PDZRN3: variants seen among roughly 807,000 people sequenced by gnomAD.
The protein encoded by PDZRN3 is E3 ubiquitin-protein ligase PDZRN3.
Under a neutral mutation model 85.7 loss-of-function variants are expected in PDZRN3, and 38 were observed. The ratio of observed to expected loss-of-function variants is 0.44; its 90% confidence interval spans 0.34 to 0.58. The LOEUF (loss-of-function observed/expected upper bound fraction) is 0.58. Ranked by LOEUF, PDZRN3 falls within the 20% of genes least tolerant of loss-of-function variation. PDZRN3 has a pLI of 0.01. For missense variants in PDZRN3, 1,629 were observed against 1,506.4 expected, an observed-to-expected ratio of 1.08 and a Z score of -1.35; for synonymous variants, 759 against 638.0, an observed-to-expected ratio of 1.19 and a Z score of -2.86.
chr3:73,498,687 C>T (rs530788062), intron 3 of PDZRN3, among the ~76,000 whole-genome samples: 35 of 151,878 alleles, frequency 2.3e-4, no homozygotes, highest in Admixed American at 5.2e-4. Context: ...TGGGTTCAAG[C>T]GATTCTCCTG....
chr3:73,389,001 G>A (rs1383910607), intron 7 of PDZRN3, among the ~76,000 whole-genome samples: 1 of 147,882 alleles, frequency 6.8e-6, no homozygotes, highest in Non-Finnish European at 1.5e-5. Context: ...GTGAAGGTTT[G>A]GGTCACTTCC....
chr3:73,581,044 TTTTGGAG>T (rs1282597064), intron 3 of PDZRN3, among the ~76,000 whole-genome samples: 1 of 152,172 alleles, frequency 6.6e-6, no homozygotes, highest in African/African-American at 2.4e-5. Context: ...GAGGGATACA[TTTTGGAG>T]TTTGAGGTTT....
intron 3 of PDZRN3, among the ~76,000 whole-genome samples, chr3:73,424,113 A>ATTCTC (rs1702258519): frequency 6.6e-6 from 1 of 152,164 alleles, no homozygotes; most frequent in African/African-American, 2.4e-5. Context: ...ATATAAGTAA[A>ATTCTC]TATCTTTCTG....
At chr3:73,606,815 T>C (rs1461275601) in intron 2 of PDZRN3, among the ~76,000 whole-genome samples, 1 of 152,188 alleles carries the variant, frequency 6.6e-6, no homozygotes, top group Non-Finnish European at 1.5e-5. Flanking sequence ...TAATAAGCCA[T>C]TGTTTGTTTC....
intron 3 of PDZRN3, among the ~76,000 whole-genome samples, chr3:73,554,667 G>C (rs187708562): frequency 2.0e-4 from 30 of 151,974 alleles, no homozygotes; most frequent in Non-Finnish European, 3.1e-4. Flanking sequence ...AAGACATAAA[G>C]GTAAGAGAAA....
chr3:73,498,622 T>C (rs566446962), intron 3 of PDZRN3, among the ~76,000 whole-genome samples: 1 of 151,932 alleles, frequency 6.6e-6, no homozygotes, highest in Non-Finnish European at 1.5e-5. Flanking sequence ...TCTAGCTCTG[T>C]TGCCCAGGCT....
intron 3 of PDZRN3, among the ~76,000 whole-genome samples, chr3:73,483,739 A>G (rs1041027938): frequency 2.0e-5 from 3 of 152,194 alleles, no homozygotes; most frequent in Non-Finnish European, 2.9e-5. Context: ...AGGAGGAGAC[A>G]GTGAATGCAA....
chr3:73,619,819 A>T (rs2106918866), intron 1 of PDZRN3, among the ~76,000 whole-genome samples: 1 of 152,340 alleles, frequency 6.6e-6, no homozygotes, highest in Middle Eastern at 3.4e-3. Flanking sequence ...GATAAAAGAT[A>T]CACATTTATA....
chr3:73,448,914 C>T (rs1223109502), intron 3 of PDZRN3, among the ~76,000 whole-genome samples: 1 of 152,180 alleles, frequency 6.6e-6, no homozygotes, highest in Non-Finnish European at 1.5e-5. Flanking sequence ...TACCACAACC[C>T]AGTTTCTCAT....
Position 73,388,061 on chromosome 3 carries a change from C to T in PDZRN3, c.1425G>A (p.Gly475=). 1 of 1,444,930 alleles carries T rather than the reference C, an allele frequency of 6.9e-7. No homozygotes were observed. Among genetic ancestry groups the T allele is most frequent in the Non-Finnish European group, 9.4e-7 (1 of 1,066,042 alleles). 89.5% of individuals were successfully genotyped at this position (1,444,930 alleles called of 1,614,324 possible). A position where few individuals can be genotyped will look rare whatever the true frequency, so the allele number is the denominator to read the frequency against. Residue 475 remains glycine (G), a synonymous_variant, in exon 8 of 10, where the codon GGG becomes GGA. Coordinates refer to ENST00000263666, the MANE Select transcript of PDZRN3 (RefSeq NM_015009.3). The part of the protein sequence containing the change: ...REGDRIIQIN[G]IEVQNREEAV... ...CCTCTTCACGGTTCTGCACCTCTAT[C>T]CCATTAATCTTTTAAAAAAAAAGGG... is the stretch of plus-strand genomic sequence containing the variant.
chr3:73,455,812 G>T (rs1464634058), intron 3 of PDZRN3, among the ~76,000 whole-genome samples: 1 of 152,142 alleles, frequency 6.6e-6, no homozygotes, highest in Non-Finnish European at 1.5e-5. Context: ...TTCTTCGCTA[G>T]GCCAACTGTC....
chr3:73,533,197 T>A (rs1704699597), intron 3 of PDZRN3, among the ~76,000 whole-genome samples: 1 of 152,208 alleles, frequency 6.6e-6, no homozygotes, highest in South Asian at 2.1e-4. Context: ...CTCTCTTAAT[T>A]AAGTTAACTT....
At chr3:73,509,962 C>G (rs1288112288) in intron 3 of PDZRN3, among the ~76,000 whole-genome samples, 1 of 152,188 alleles carries the variant, frequency 6.6e-6, no homozygotes, top group Non-Finnish European at 1.5e-5. Context: ...AACGGATTAT[C>G]TTTAAAGAAG....
chr3:73,397,245 C>G (rs1701657878), intron 5 of PDZRN3, among the ~76,000 whole-genome samples: 1 of 152,140 alleles, frequency 6.6e-6, no homozygotes, highest in Non-Finnish European at 1.5e-5. Context: ...AATATCTCAA[C>G]ACACTCATAC....
chr3:73,618,001 C>T (rs9875071), intron 1 of PDZRN3, among the ~76,000 whole-genome samples: 10,761 of 152,292 alleles, frequency 0.071, 459 homozygotes, highest in African/African-American at 0.13. Context: ...CCACCATGCC[C>T]AGCCTAAATC....
intron 3 of PDZRN3, among the ~76,000 whole-genome samples, chr3:73,546,215 G>A (rs1345429057): frequency 6.6e-6 from 1 of 152,198 alleles, no homozygotes; most frequent in African/African-American, 2.4e-5. Flanking sequence ...TTCTCCACCT[G>A]GCATGATACC....
intron 3 of PDZRN3, among the ~76,000 whole-genome samples, chr3:73,424,485 T>C (rs1276934824): frequency 7.7e-6 from 1 of 129,494 alleles, no homozygotes; most frequent in Non-Finnish European, 1.5e-5. Context: ...GAGCTTGCAG[T>C]AAGCTGAGAT....
intron 3 of PDZRN3, among the ~76,000 whole-genome samples, chr3:73,522,988 A>G (rs1357270810): frequency 2.0e-5 from 3 of 152,178 alleles, no homozygotes; most frequent in African/African-American, 7.2e-5. Flanking sequence ...GACAAGAAAA[A>G]CACAATAAAA....
At chr3:73,604,423 C>T (rs566714076) in intron 2 of PDZRN3, among the ~76,000 whole-genome samples, 98 of 152,154 alleles carry the variant, frequency 6.4e-4, no homozygotes, top group Non-Finnish European at 1.3e-3. Flanking sequence ...GAGAGAGGTT[C>T]GGAAACTCAT....
Sources: allele counts gnomAD v4.1 joint callset (sites outside exome capture counted in the v4.1 genomes callset), GRCh38; gene constraint gnomAD v4.1.1; transcripts MANE v1.5; gene names NCBI Gene and HGNC (gene_info 2026-07-23, HGNC 2026-07-21).